Variants in STPG2 observed in about 807,000 individuals in gnomAD.
STPG2 encodes the protein sperm tail PG-rich repeat containing 2, also known as sperm-tail PG-rich repeat-containing protein 2.
A neutral mutation model predicts 54.2 loss-of-function variants in STPG2; 56 were observed. The observed-to-expected ratio is 1.03, with a 90% confidence interval of 0.83 to 1.29. STPG2 has a LOEUF of 1.29. Ranked by LOEUF, STPG2 falls within the 50% of genes most tolerant of loss-of-function variation. The pLI is 0.00. For synonymous variants in STPG2, 200 were observed against 181.8 expected (o/e 1.10, Z -0.81); for missense variants, 596 against 544.9 (o/e 1.09, Z -0.93).
At chr4:98,013,999 T>C (rs575009347) in intron 5 of STPG2, among the ~76,000 whole-genome samples, 24 of 152,248 alleles carry the variant, frequency 1.6e-4, no homozygotes, top group Non-Finnish European at 3.2e-4. Flanking sequence ...AGTTATTTCT[T>C]GTCTTCTGCT....
intron 7 of STPG2, among the ~76,000 whole-genome samples, chr4:97,955,183 T>G (rs1473562333): frequency 6.6e-6 from 1 of 151,188 alleles, no homozygotes. Flanking sequence ...AACTGTAGCA[T>G]GAAAGCAAAA....
At chr4:97,538,900 A>G (rs1178196831) in intron 4 of STPG2, among the ~76,000 whole-genome samples, 1 of 152,204 alleles carries the variant, frequency 6.6e-6, no homozygotes, top group Non-Finnish European at 1.5e-5. Context: ...ACATTCTTAA[A>G]GAAAAGAATT....
intron 8 of STPG2, among the ~76,000 whole-genome samples, chr4:97,893,938 A>C (rs1730861143): frequency 6.6e-6 from 1 of 152,000 alleles, no homozygotes; most frequent in Non-Finnish European, 1.5e-5. Flanking sequence ...TCAGGAACAG[A>C]AAGGGTAAAA....
intron 10 of STPG2, among the ~76,000 whole-genome samples, chr4:97,590,238 C>A (rs751926221): frequency 6.6e-6 from 1 of 151,920 alleles, no homozygotes; most frequent in Non-Finnish European, 1.5e-5. Context: ...AACCTACCCC[C>A]AAGAGTCCAA....
chr4:97,455,153 C>T (rs1212604217), intron 4 of STPG2, among the ~76,000 whole-genome samples: 3 of 151,982 alleles, frequency 2.0e-5, no homozygotes, highest in Non-Finnish European at 4.4e-5. Context: ...TAGAAAACTC[C>T]TAGGAGATAA....
downstream of STPG2, among the ~76,000 whole-genome samples, chr4:97,554,236 G>A (rs570778970): frequency 4.6e-5 from 7 of 152,252 alleles, no homozygotes; most frequent in South Asian, 1.5e-3. Flanking sequence ...ATGCTGAGCA[G>A]TGAGTATGAC....
At position 98,066,278 on chromosome 4, in the gene STPG2, G is replaced by A. The variant is rs1041913543; in HGVS notation, c.612+39675C>T. ...CATAAGTTATTTGTCAAAACATAAA[G>A]AGAAAAGTCACACTTTAATATTTAT... is the stretch of plus-strand genomic sequence containing the variant. On this transcript the variant is annotated intron_variant, in intron 5 of 10. Coordinates refer to ENST00000295268, the MANE Select transcript of STPG2 (RefSeq NM_174952.3). Among the ~76,000 whole-genome samples the A allele has an allele frequency of 2.6e-5, 4 of 152,228 alleles. No homozygotes were observed. The South Asian group carries it at 6.2e-4, about 24-fold the overall frequency.
chr4:97,856,846 T>A (rs142996342), intron 8 of STPG2, among the ~76,000 whole-genome samples: 1 of 152,298 alleles, frequency 6.6e-6, no homozygotes, highest in East Asian at 1.9e-4. Flanking sequence ...AATACCTAGT[T>A]TATGCAGTGT....
chr4:97,775,809 T>G (rs989548102), intron 9 of STPG2, among the ~76,000 whole-genome samples: 2 of 152,226 alleles, frequency 1.3e-5, no homozygotes, highest in Non-Finnish European at 2.9e-5. Flanking sequence ...ACTCCAAGGC[T>G]AGAGTTCAGT....
intron 9 of STPG2, among the ~76,000 whole-genome samples, chr4:97,813,959 C>A (rs1028632401): frequency 6.6e-6 from 1 of 151,870 alleles, no homozygotes; most frequent in Non-Finnish European, 1.5e-5. Flanking sequence ...AATCCAGAGT[C>A]CATCTTTATT....
intron 10 of STPG2, among the ~76,000 whole-genome samples, chr4:97,637,473 G>C (rs1474857844): frequency 6.6e-6 from 1 of 152,142 alleles, no homozygotes; most frequent in Non-Finnish European, 1.5e-5. Flanking sequence ...ATTCAACATA[G>C]TGTTGGAAGT....
chr4:97,530,216 T>C (rs1203346948), intron 4 of STPG2, among the ~76,000 whole-genome samples: 1 of 152,202 alleles, frequency 6.6e-6, no homozygotes, highest in African/African-American at 2.4e-5. Context: ...CCTAGGAACT[T>C]GGAATCCTCT....
intron 10 of STPG2, among the ~76,000 whole-genome samples, chr4:97,561,075 A>G (rs890251676): frequency 1.3e-5 from 2 of 152,016 alleles, no homozygotes. Flanking sequence ...CAACAGTGTA[A>G]AAGTGTTCCT....
Position 97,597,245 on chromosome 4 carries a change from G to T in STPG2, c.1321-38128C>A, listed in dbSNP as rs535069170. Reference sequence around the variant, plus strand: ...TTCCTGAACAGACCAATAATGAGTTGCAAAATTGAATCAGTTATAAAAATC... The same window carrying T: ...TTCCTGAACAGACCAATAATGAGTTTCAAAATTGAATCAGTTATAAAAATC... On this transcript the variant is annotated intron_variant, in intron 10 of 10. Coordinates refer to ENST00000295268, the MANE Select transcript of STPG2 (RefSeq NM_174952.3). 2.0e-5 allele frequency among the ~76,000 whole-genome samples: 3 copies of T among 152,058 alleles called. No individual in the cohort carries two copies. The East Asian group carries it at 5.8e-4, about 29-fold the overall frequency.
intron 10 of STPG2, among the ~76,000 whole-genome samples, chr4:97,697,886 C>T (rs528670458): frequency 3.3e-5 from 5 of 152,310 alleles, no homozygotes; most frequent in South Asian, 2.1e-4. Flanking sequence ...CCCTTTGTTT[C>T]GGCCCATCCC....
intron 5 of STPG2, among the ~76,000 whole-genome samples, chr4:97,993,582 A>G (rs900471735): frequency 6.7e-6 from 1 of 149,588 alleles, no homozygotes; most frequent in East Asian, 2.0e-4. Flanking sequence ...TGGTTTTAGC[A>G]TTAGGGTGAT....
At chr4:97,594,361 A>T (rs1451629440) in intron 10 of STPG2, among the ~76,000 whole-genome samples, 2 of 152,234 alleles carry the variant, frequency 1.3e-5, no homozygotes, top group African/African-American at 4.8e-5. Flanking sequence ...ATATAATCCG[A>T]AGTATTAACA....
At chr4:97,487,435 T>C (rs1298630004) in intron 4 of STPG2, among the ~76,000 whole-genome samples, 1 of 151,552 alleles carries the variant, frequency 6.6e-6, no homozygotes, top group African/African-American at 2.4e-5. Context: ...TAAAACATAC[T>C]TCAATAAAGC....
chr4:97,625,597 G>T (rs562477913), intron 10 of STPG2, among the ~76,000 whole-genome samples: 17 of 152,296 alleles, frequency 1.1e-4, no homozygotes, highest in African/African-American at 4.1e-4. Flanking sequence ...ACAGGTGTGA[G>T]CCACCATGCT....
Sources: allele counts gnomAD v4.1 joint callset (sites outside exome capture counted in the v4.1 genomes callset), GRCh38; gene constraint gnomAD v4.1.1; transcripts MANE v1.5; gene names NCBI Gene and HGNC (gene_info 2026-07-23, HGNC 2026-07-21).